LSM1: variants seen among roughly 807,000 people sequenced by gnomAD.
LSM1 encodes the protein LSM1 homolog, mRNA degradation associated, also known as U6 snRNA-associated Sm-like protein LSm1.
A neutral mutation model predicts 18.0 loss-of-function variants in LSM1; 13 were observed. That is an observed-to-expected ratio of 0.72 (90% CI 0.47 to 1.15). The LOEUF is 1.15. LSM1 is among the 50% of genes most tolerant of loss of function. The probability of loss-of-function intolerance (pLI) is 0.00; values close to 1 mark genes in which losing one functional copy is unlikely to be tolerated. For missense variants in LSM1, 152 were observed against 157.7 expected (o/e 0.96, Z 0.19); for synonymous variants, 46 against 56.0 (o/e 0.82, Z 0.80).
At chr8:38,168,921 G>A (rs1802981901) in intron 3 of LSM1, among the ~76,000 whole-genome samples, 2 of 152,008 alleles carry the variant, frequency 1.3e-5, no homozygotes, top group South Asian at 4.1e-4. Flanking sequence ...TCAAATGGCT[G>A]TTAAAAATGG....
At chr8:38,167,105 A>T (rs2843745) in intron 3 of LSM1, among the ~76,000 whole-genome samples, 22,295 of 152,162 alleles carry the variant, frequency 0.15, 2,074 homozygotes, top group East Asian at 0.29. Flanking sequence ...CCTGGAACCA[A>T]GTTTCTGTAG....
chr8:38,176,253 C>T, intron 1 of LSM1, 22 bp downstream of exon 1: 1 of 1,611,904 alleles, frequency 6.2e-7, no homozygotes, highest in Non-Finnish European at 8.5e-7. Flanking sequence ...CGGGCTCCAC[C>T]GGGAGGAGAT....
chr8:38,171,408 GAGC>G (rs950096735), intron 2 of LSM1, among the ~76,000 whole-genome samples: 4 of 152,192 alleles, frequency 2.6e-5, no homozygotes, highest in Non-Finnish European at 4.4e-5. Flanking sequence ...AAACCATGAG[GAGC>G]AGAACAACTG....
Position 38,176,446 on chromosome 8 carries a change from C to G in LSM1, c.-126G>C. Reference sequence around the variant, plus strand: ...GGAATCCCGACCGAGACCAGCACTTCTGCCCCGGCTTTCAGCCGCCGGGGG... The same window carrying G: ...GGAATCCCGACCGAGACCAGCACTTGTGCCCCGGCTTTCAGCCGCCGGGGG... On this transcript the variant is annotated 5_prime_UTR_variant, in exon 1 of 4. Transcript: ENST00000311351. The G allele has an allele frequency of 1.4e-6, 1 of 738,040 alleles. No homozygotes were observed. Among genetic ancestry groups the G allele is most frequent in the South Asian group, 1.7e-5 (1 of 58,420 alleles). The allele number at this position is 738,040 out of a possible 1,614,324, so 45.7% of individuals were successfully genotyped here.
intron 2 of LSM1, 68 bp from the exon 3 acceptor site, chr8:38,169,985 T>C: frequency 2.9e-6 from 2 of 692,520 alleles, no homozygotes; most frequent in Admixed American, 5.0e-5. Flanking sequence ...CATAACTCAA[T>C]AATCAGTTAT....
In LSM1 at chr8:38,164,274, C is replaced by G. The variant is rs189968175; in HGVS notation, c.232-434G>C. Among the ~76,000 whole-genome samples, 3 of 152,106 alleles carry G rather than the reference C, an allele frequency of 2.0e-5. 1 individual carries two copies. In the South Asian group the frequency reaches 6.2e-4, roughly 32 times the overall value. On this transcript the variant is annotated intron_variant, in intron 3 of 3. Coordinates refer to ENST00000311351, the MANE Select transcript of LSM1 (RefSeq NM_014462.3). Reference sequence around the variant, plus strand: ...TTCACCACGTTGGTCAGGCTGGTCTCGAAACCTGACCTCATGATCTGCCTG... The same window carrying G: ...TTCACCACGTTGGTCAGGCTGGTCTGGAAACCTGACCTCATGATCTGCCTG...
rs1301204064 is a variant in LSM1, at chr8:38,176,141, GCGGAACGCC to G, written c.46+125_46+133del. 12 of 675,996 alleles carry G rather than the reference GCGGAACGCC, an allele frequency of 1.8e-5. No individual in the cohort carries two copies. In the African/African-American group the frequency reaches 2.2e-4, roughly 12 times the overall value. 41.9% of individuals were successfully genotyped at this position (675,996 alleles called of 1,614,324 possible). A position where few individuals can be genotyped will look rare whatever the true frequency, so the allele number is the denominator to read the frequency against. On this transcript the variant is annotated intron_variant, in intron 1 of 3. Coordinates refer to ENST00000311351, the MANE Select transcript of LSM1 (RefSeq NM_014462.3). ...TACCGCAGCTGTGGAGGACATCGAC[GCGGAACGCC>G]CGGATTGAGCTCAGAACACACCGGC...
intron 3 of LSM1, among the ~76,000 whole-genome samples, chr8:38,168,681 A>G (rs1049236909): frequency 9.9e-5 from 15 of 151,852 alleles, no homozygotes; most frequent in African/African-American, 3.4e-4. Context: ...TACAAACTAC[A>G]AAAATATTTT....
rs980226739 is a variant in LSM1 at position 38,172,189 on chromosome 8, C to T, written c.47-156G>A. ...AAAACTGAAAAAAGCAGCACAGCAA[C>T]GCGGATTTAGATAACATCAGTAGTG... On this transcript the variant is annotated intron_variant, in intron 1 of 3. Transcript: ENST00000311351. Among the ~76,000 whole-genome samples, 13 of 148,054 alleles carry T rather than the reference C, an allele frequency of 8.8e-5. No homozygotes were observed. In the East Asian group the frequency reaches 1.6e-3, roughly 19 times the overall value.
chr8:38,165,285 G>A (rs754950382), intron 3 of LSM1, among the ~76,000 whole-genome samples: 12 of 151,926 alleles, frequency 7.9e-5, no homozygotes, highest in Middle Eastern at 3.4e-3. Flanking sequence ...CCTGGGAGGC[G>A]GAGGTTGCAG....
chr8:38,171,988 A>G lies in LSM1; in HGVS notation c.92T>C (p.Phe31Ser), dbSNP rs1244319453. Residue 31 changes from phenylalanine (F) to serine (S), a missense_variant, in exon 2 of 4, where the codon TTT (phenylalanine) becomes TCT (serine). Phe to Ser is a radical substitution (Grantham distance 155). Transcript: ENST00000311351. ...LLRDGRTLIG[F>S]LRSIDQFANL... ...ACCAAATTGATCAATGCTTCTTAAA[A>G]AGCCTATAAGTGTCCTTCCATCTCG... 1 of 1,611,804 alleles carries G rather than the reference A, an allele frequency of 6.2e-7. No individual in the cohort carries two copies. The highest frequency in any genetic ancestry group is 1.3e-5 in the African/African-American group (1 of 74,746).
At chr8:38,175,506 A>G (rs1803118234) in intron 1 of LSM1, among the ~76,000 whole-genome samples, 1 of 152,206 alleles carries the variant, frequency 6.6e-6, no homozygotes, top group African/African-American at 2.4e-5. Flanking sequence ...AACAATAAAA[A>G]ATGTTGCTTG....
At position 38,176,356 on chromosome 8, in the gene LSM1, G is replaced by A. The variant is rs1345778277; in HGVS notation, c.-36C>T. 5.1e-6 allele frequency: 8 copies of A among 1,581,824 alleles called. No individual in the cohort carries two copies. In the African/African-American group the frequency reaches 8.1e-5, roughly 16 times the overall value. On this transcript the variant is annotated 5_prime_UTR_variant, in exon 1 of 4. Transcript: ENST00000311351. ...AATAATGCTGCAATGCACAGCGGCGGGAGGCCAGCGCGTCCAAAACCTCTT... is the reference window on the plus strand; with the variant it reads ...AATAATGCTGCAATGCACAGCGGCGAGAGGCCAGCGCGTCCAAAACCTCTT...
rs745676237 is a variant in LSM1, at chr8:38,163,801, A to G, written c.271T>C (p.Ser91Pro). The G allele has an allele frequency of 3.7e-6, 6 of 1,614,132 alleles. No homozygotes were observed. The highest frequency in any genetic ancestry group is 5.1e-6 in the Non-Finnish European group (6 of 1,180,016). ...KESDTPLQQV[S>P]IEEILEEQRV... ...TGTTCTTCTAGAATTTCTTCAATGG[A>G]TACTTGCTGGAGGGGTGTGTCACTC... is the stretch of plus-strand genomic sequence containing the variant. The change falls in exon 4 of 4, where the codon TCC becomes CCC. Residue 91 changes from serine to proline, a missense_variant. Coordinates refer to ENST00000311351, the MANE Select transcript of LSM1 (RefSeq NM_014462.3).
In LSM1 at chr8:38,164,423, T is replaced by TA. The variant is rs34599833; in HGVS notation, c.232-584dup. Among the ~76,000 whole-genome samples the TA allele has an allele frequency of 6.6e-4, 98 of 148,112 alleles. 1 individual carries two copies. The highest frequency in any genetic ancestry group is 2.1e-3 in the South Asian group (10 of 4,692). The stretch of plus-strand genomic sequence containing the variant: ...TCTATTAGTCCACGATTAATTTCCT[T>TA]AAAAAAAAAAATTAGGGCTGCTTAT... On this transcript the variant is annotated intron_variant, in intron 3 of 3. Coordinates refer to ENST00000311351, the MANE Select transcript of LSM1 (RefSeq NM_014462.3).
chr8:38,171,991 C>A lies in LSM1; in HGVS notation c.89G>T (p.Gly30Val). Residue 30 changes from glycine (G) to valine (V), a missense_variant, in exon 2 of 4, where the codon GGC (glycine) becomes GTC (valine). Transcript: ENST00000311351. ...VLLRDGRTLI[G>V]FLRSIDQFAN... ...AAATTGATCAATGCTTCTTAAAAAGCCTATAAGTGTCCTTCCATCTCGAAG... is the reference window on the plus strand; with the variant it reads ...AAATTGATCAATGCTTCTTAAAAAGACTATAAGTGTCCTTCCATCTCGAAG... 1 of 1,612,086 alleles carries A rather than the reference C, an allele frequency of 6.2e-7. No individual in the cohort carries two copies.
chr8:38,168,999 A>G (rs1305208554), intron 3 of LSM1, among the ~76,000 whole-genome samples: 1 of 152,202 alleles, frequency 6.6e-6, no homozygotes, highest in Non-Finnish European at 1.5e-5. Flanking sequence ...TTTAGAAAAC[A>G]GTATTAAAAA....
intron 1 of LSM1, among the ~76,000 whole-genome samples, chr8:38,175,095 T>C (rs1803104497): frequency 6.7e-6 from 1 of 150,260 alleles, no homozygotes; most frequent in Non-Finnish European, 1.5e-5. Context: ...TTTTTTTTTT[T>C]TTTGAGACGG....
chr8:38,176,210 A>T, intron 1 of LSM1, 65 bp downstream of exon 1: 1 of 1,434,956 alleles, frequency 7.0e-7, no homozygotes. Context: ...CTTCTTCGGA[A>T]GAGGCGCCCG....
Sources: allele counts gnomAD v4.1 joint callset (sites outside exome capture counted in the v4.1 genomes callset), GRCh38; gene constraint gnomAD v4.1.1; transcripts MANE v1.5; gene names NCBI Gene and HGNC (gene_info 2026-07-23, HGNC 2026-07-21).